CLPX: variants seen among roughly 807,000 people sequenced by gnomAD.
The protein encoded by CLPX is ATP-dependent clpX-like chaperone, mitochondrial.
In CLPX, 34 loss-of-function variants were observed where a neutral mutation model predicts 76.4. That is an observed-to-expected ratio of 0.45 (90% CI 0.34 to 0.59). CLPX has a LOEUF of 0.59. Ranked by LOEUF, CLPX falls within the 20% of genes least tolerant of loss-of-function variation. The probability of loss-of-function intolerance (pLI) is 0.01; values close to 1 mark genes in which losing one functional copy is unlikely to be tolerated. For missense variants in CLPX, 613 were observed against 757.0 expected (o/e 0.81, Z 2.23); for synonymous variants, 248 against 270.9 (o/e 0.92, Z 0.83).
intron 3 of CLPX, among the ~76,000 whole-genome samples, chr15:65,168,633 G>A (rs1165637783): frequency 6.7e-6 from 1 of 150,104 alleles, no homozygotes; most frequent in Non-Finnish European, 1.5e-5. Context: ...AGCATTAGGA[G>A]ATATACCTAA....
At chr15:65,165,550 A>AT (rs2087900967) in intron 4 of CLPX, among the ~76,000 whole-genome samples, 1 of 151,478 alleles carries the variant, frequency 6.6e-6, no homozygotes. Flanking sequence ...CGCCGGGCTA[A>AT]TTTTTTGTAT....
At chr15:65,173,221 T>C (rs2088036256) in intron 3 of CLPX, among the ~76,000 whole-genome samples, 1 of 151,746 alleles carries the variant, frequency 6.6e-6, no homozygotes, top group African/African-American at 2.4e-5. Context: ...AATACAAAAA[T>C]CAGCTGGGTG....
chr15:65,175,670 T>C lies in CLPX; in HGVS notation c.358+3264A>G, dbSNP rs574423212. ...AAATCTGAAATCTGAAATGCTCCAA[T>C]GGAGCATTTCCTTTAAGCGTCATGA... On this transcript the variant is annotated intron_variant, in intron 3 of 13. Coordinates refer to ENST00000300107, the MANE Select transcript of CLPX (RefSeq NM_006660.5). 3.3e-5 allele frequency among the ~76,000 whole-genome samples: 5 copies of C among 152,276 alleles called. No homozygotes were observed. The East Asian group carries it at 7.7e-4, about 24-fold the overall frequency.
chr15:65,154,620 C>G (rs953444455), intron 11 of CLPX, 162 bp downstream of exon 11: 1 of 596,006 alleles, frequency 1.7e-6, no homozygotes, highest in Non-Finnish European at 2.9e-6. Context: ...TAAATTCTAA[C>G]ATAATACAAT....
chr15:65,164,743 A>G (rs2087889159), intron 4 of CLPX, among the ~76,000 whole-genome samples: 1 of 151,990 alleles, frequency 6.6e-6, no homozygotes. Context: ...CTGAGACTCT[A>G]AAAACTGTAT....
At chr15:65,155,370 C>G (rs1248224607) in intron 10 of CLPX, among the ~76,000 whole-genome samples, 1 of 152,146 alleles carries the variant, frequency 6.6e-6, no homozygotes, top group Non-Finnish European at 1.5e-5. Context: ...CTGCCTCAGC[C>G]TCCCGAGTAG....
At position 65,149,720 on chromosome 15, in the gene CLPX, TGTG is replaced by T; in HGVS notation, c.*1100_*1102del. ...ACTAAAAATACAAAAATTAGCCAGG[TGTG>T]GTGGTGCGTGCCTATAATCCCAGCT... On this transcript the variant is annotated 3_prime_UTR_variant, in exon 14 of 14. Coordinates refer to ENST00000300107, the MANE Select transcript of CLPX (RefSeq NM_006660.5). The T allele has an allele frequency of 3.4e-6, 1 of 295,986 alleles. No homozygotes were observed. The highest frequency in any genetic ancestry group is 6.6e-6 in the Non-Finnish European group (1 of 150,490). 18.3% of individuals were successfully genotyped at this position (295,986 alleles called of 1,614,324 possible).
intron 3 of CLPX, among the ~76,000 whole-genome samples, chr15:65,178,406 A>G (rs2088117320): frequency 6.6e-6 from 1 of 152,226 alleles, no homozygotes; most frequent in Admixed American, 6.5e-5. Flanking sequence ...ACAACAGTGC[A>G]AAGTATTACC....
chr15:65,168,675 C>G (rs1490352102), intron 3 of CLPX, among the ~76,000 whole-genome samples: 1 of 150,882 alleles, frequency 6.6e-6, no homozygotes, highest in Non-Finnish European at 1.5e-5. Flanking sequence ...TGCAGCACAC[C>G]AACATGGCAC....
intron 4 of CLPX, among the ~76,000 whole-genome samples, chr15:65,166,181 T>C (rs111474464): frequency 0.027 from 4,069 of 152,198 alleles, 93 homozygotes; most frequent in African/African-American, 0.059. Context: ...AAAAACTACT[T>C]ACTTACATTA....
chr15:65,150,632 A>G lies in CLPX; in HGVS notation c.*191T>C, dbSNP rs1343323852. The G allele has an allele frequency of 2.5e-6, 1 of 395,050 alleles. No homozygotes were observed. Among genetic ancestry groups the G allele is most frequent in the Non-Finnish European group, 4.5e-6 (1 of 222,264 alleles). The allele number at this position is 395,050 out of a possible 1,614,324, so 24.5% of individuals were successfully genotyped here. ...TCTAAACATTGTGTCATTAAAGTCC[A>G]TATAACATCTTCCGTAAAATCAATG... On this transcript the variant is annotated 3_prime_UTR_variant, in exon 14 of 14. Transcript: ENST00000300107.
chr15:65,165,784 C>A (rs2087904647), intron 4 of CLPX, among the ~76,000 whole-genome samples: 1 of 152,102 alleles, frequency 6.6e-6, no homozygotes, highest in Admixed American at 6.5e-5. Context: ...ATGACAAATT[C>A]TTTAGTTGTT....
rs57275219 is a variant in CLPX, at chr15:65,154,572, A to C, written c.1611+210T>G. ...TTATTTTTCTTGGGCTTTAGGCTATAATGATGGTTTTAATTCAGAAAAAAT... is the reference window on the plus strand; with the variant it reads ...TTATTTTTCTTGGGCTTTAGGCTATCATGATGGTTTTAATTCAGAAAAAAT... On this transcript the variant is annotated intron_variant, in intron 11 of 13. Coordinates refer to ENST00000300107, the MANE Select transcript of CLPX (RefSeq NM_006660.5). The C allele has an allele frequency of 7.3e-4, 378 of 515,648 alleles. 2 individuals carry two copies. The highest frequency in any genetic ancestry group is 6.0e-3 in the African/African-American group (312 of 52,218). 31.9% of individuals were successfully genotyped at this position (515,648 alleles called of 1,614,324 possible). A position where few individuals can be genotyped will look rare whatever the true frequency, so the allele number is the denominator to read the frequency against.
At chr15:65,183,332 GCGC>G (rs1293495195) in intron 1 of CLPX, among the ~76,000 whole-genome samples, 4 of 151,420 alleles carry the variant, frequency 2.6e-5, no homozygotes, top group Non-Finnish European at 5.9e-5. Context: ...GTGGTGGCGG[GCGC>G]CTGCAGTCCC....
rs1220629721 is a variant in CLPX at position 65,180,140 on chromosome 15, A to C, written c.144T>G (p.Ile48Met). 6.2e-7 allele frequency: 1 copy of C among 1,613,044 alleles called. No individual in the cohort carries two copies. ...LGRLGTFETQ[I>M]LQRAPLRSFT... Reference sequence around the variant, plus strand: ...AGGATCTAAGAGGAGCTCTTTGCAGAATCTGAGTTTCAAATGTCCCAAGCC... The same window carrying C: ...AGGATCTAAGAGGAGCTCTTTGCAGCATCTGAGTTTCAAATGTCCCAAGCC... Residue 48 changes from isoleucine to methionine, a missense_variant, in exon 2 of 14, where the codon ATT becomes ATG. Physicochemically the swap from Ile to Met is conservative, Grantham distance 10. Coordinates refer to ENST00000300107, the MANE Select transcript of CLPX (RefSeq NM_006660.5).
chr15:65,170,713 T>G (rs955534036), intron 3 of CLPX, among the ~76,000 whole-genome samples: 1 of 151,272 alleles, frequency 6.6e-6, no homozygotes, highest in Non-Finnish European at 1.5e-5. Flanking sequence ...GAGGTTGCAG[T>G]GAGCCAAGAC....
chr15:65,151,057 G>A (rs554638795), intron 13 of CLPX, 144 bp from the exon 14 acceptor site: 11 of 571,428 alleles, frequency 1.9e-5, no homozygotes, highest in East Asian at 5.9e-5. Flanking sequence ...ATATTAAGAC[G>A]GCTTAGGCCG....
chr15:65,151,620 G>A (rs993088457), intron 13 of CLPX, among the ~76,000 whole-genome samples: 1 of 151,898 alleles, frequency 6.6e-6, no homozygotes, highest in African/African-American at 2.4e-5. Flanking sequence ...GTCTTGTCTC[G>A]AACTAGTAAA....
At position 65,149,461 on chromosome 15, in the gene CLPX, C is replaced by T. The variant is rs995511996; in HGVS notation, c.*1362G>A. 1.5e-5 allele frequency: 5 copies of T among 326,584 alleles called. No individual in the cohort carries two copies. Among genetic ancestry groups the T allele is most frequent in the Non-Finnish European group, 1.8e-5 (3 of 167,358 alleles). 20.2% of individuals were successfully genotyped at this position (326,584 alleles called of 1,614,324 possible). On this transcript the variant is annotated 3_prime_UTR_variant, in exon 14 of 14. Coordinates refer to ENST00000300107, the MANE Select transcript of CLPX (RefSeq NM_006660.5). ...CTGTACTCCAGCCTGGGTGACACAG[C>T]GAGACTCTGTCTCAAAAAAATAAAA...
Sources: allele counts gnomAD v4.1 joint callset (sites outside exome capture counted in the v4.1 genomes callset), GRCh38; gene constraint gnomAD v4.1.1; transcripts MANE v1.5; gene names NCBI Gene and HGNC (gene_info 2026-07-23, HGNC 2026-07-21).